Variants in FAM118B observed in about 807,000 individuals in gnomAD.
FAM118B encodes SIR2 antiphage like 1.
Under a neutral mutation model 38.5 loss-of-function variants are expected in FAM118B, and 24 were observed. That is an observed-to-expected ratio of 0.62 (90% CI 0.45 to 0.88). The LOEUF is 0.88. Among genes scored for constraint, FAM118B ranks in the 40% least tolerant of loss-of-function variants. The probability of loss-of-function intolerance (pLI) is 0.00; values close to 1 mark genes in which losing one functional copy is unlikely to be tolerated. For synonymous variants in FAM118B, 138 were observed against 156.3 expected (o/e 0.88, Z 0.87); for missense variants, 334 against 420.0 (o/e 0.80, Z 1.79).
chr11:126,256,603 C>A lies in FAM118B; in HGVS notation c.733C>A (p.Leu245Ile), dbSNP rs949624873. ...IQKLYENKSF[L>I]FLGCGWTVDD... is the part of the protein sequence containing the mutation. ...GAAACTCTACGAAAACAAGTCATTT[C>A]TTTTCCTGGGCTGTGGCTGGACTGT... is the stretch of plus-strand genomic sequence containing the variant. The change falls in exon 7 of 9, where the codon CTT (leucine) becomes ATT (isoleucine). Residue 245 changes from leucine (L) to isoleucine (I), a missense_variant. Transcript: ENST00000533050. The surrounding 1 kb of genome is among the most constrained non-coding windows in gnomAD (Gnocchi z 6.6). 2.5e-6 allele frequency: 4 copies of A among 1,613,864 alleles called. No homozygotes were observed. Among genetic ancestry groups the A allele is most frequent in the African/African-American group, 1.3e-5 (1 of 74,880 alleles).
At chr11:126,231,524 A>C (rs1473814161) in intron 2 of FAM118B, among the ~76,000 whole-genome samples, 1 of 152,206 alleles carries the variant, frequency 6.6e-6, no homozygotes, top group East Asian at 1.9e-4. Context: ...AGGGTAAAGA[A>C]AATATGTTTC....
chr11:126,215,018 T>C (rs1486311847), intron 1 of FAM118B, among the ~76,000 whole-genome samples: 1 of 152,154 alleles, frequency 6.6e-6, no homozygotes, highest in Admixed American at 6.5e-5. Flanking sequence ...ACTTGGACAT[T>C]GTTTTATGGT....
intron 1 of FAM118B, among the ~76,000 whole-genome samples, chr11:126,222,660 A>G (rs1950079286): frequency 6.6e-6 from 1 of 152,238 alleles, no homozygotes; most frequent in African/African-American, 2.4e-5. Context: ...TGTTTGGATG[A>G]GAGAAAATAC....
rs1950716974 is a variant in FAM118B at position 126,262,283 on chromosome 11, T to C, written c.*150T>C. 3 of 778,646 alleles carry C rather than the reference T, an allele frequency of 3.9e-6. No homozygotes were observed. Among genetic ancestry groups the C allele is most frequent in the South Asian group, 1.6e-5 (1 of 64,078 alleles). 48.2% of individuals were successfully genotyped at this position (778,646 alleles called of 1,614,324 possible). A position where few individuals can be genotyped will look rare whatever the true frequency, so the allele number is the denominator to read the frequency against. ...GGGCGGGGTAGAAGAGGGGGGAATG[T>C]TGCAGCGTAATCCTTCATACCACCT... On this transcript the variant is annotated 3_prime_UTR_variant, in exon 9 of 9. Coordinates refer to ENST00000533050, the MANE Select transcript of FAM118B (RefSeq NM_024556.4).
chr11:126,253,349 T>C lies in FAM118B; in HGVS notation c.568-956T>C, dbSNP rs1220659622. ...CGGTGCCTCTTGACTACTTTCCTGA[T>C]TCATAGCCTATTTCTCCAAAATGTG... is the stretch of plus-strand genomic sequence containing the variant. On this transcript the variant is annotated intron_variant, in intron 5 of 8. Transcript: ENST00000533050. This position sits in a 1 kb window ranked among gnomAD's most constrained non-coding sequence, Gnocchi z 5.1. 1.3e-5 allele frequency among the ~76,000 whole-genome samples: 2 copies of C among 152,142 alleles called. No homozygotes were observed. The highest frequency in any genetic ancestry group is 2.9e-5 in the Non-Finnish European group (2 of 68,030).
chr11:126,248,505 G>T (rs1455615273), intron 4 of FAM118B, among the ~76,000 whole-genome samples: 1 of 151,314 alleles, frequency 6.6e-6, no homozygotes, highest in Non-Finnish European at 1.5e-5. Context: ...CGAGTAGCTG[G>T]CACTACAGGC....
rs1950513638 is a variant in FAM118B at position 126,252,196 on chromosome 11, A to G, written c.567+1463A>G. Among the ~76,000 whole-genome samples, 1 of 151,984 alleles carries G rather than the reference A, an allele frequency of 6.6e-6. No individual in the cohort carries two copies. The highest frequency in any genetic ancestry group is 1.5e-5 in the Non-Finnish European group (1 of 67,998). On this transcript the variant is annotated intron_variant, in intron 5 of 8. Coordinates refer to ENST00000533050, the MANE Select transcript of FAM118B (RefSeq NM_024556.4). This position sits in a 1 kb window ranked among gnomAD's most constrained non-coding sequence, Gnocchi z 4.7. ...GAGACAGGGTTTCACCATGTTGGCC[A>G]GGCTGGTCTCGAACTCCTGACCTCA...
chr11:126,230,129 A>G (rs958796717), intron 2 of FAM118B, among the ~76,000 whole-genome samples: 5 of 152,208 alleles, frequency 3.3e-5, no homozygotes, highest in African/African-American at 1.2e-4. Flanking sequence ...ACAGCTAGAC[A>G]TGATTCCTGT....
chr11:126,247,022 G>A (rs1565336327), intron 4 of FAM118B, among the ~76,000 whole-genome samples: 1 of 152,210 alleles, frequency 6.6e-6, no homozygotes, highest in Non-Finnish European at 1.5e-5. Context: ...GCCTAGTGTG[G>A]TGGTACACGC....
chr11:126,241,125 A>G (rs932409947), intron 4 of FAM118B, 81 bp downstream of exon 4: 2 of 1,388,714 alleles, frequency 1.4e-6, no homozygotes, highest in Non-Finnish European at 2.0e-6. Context: ...GGCTGTCAAA[A>G]CTAGCATGCC....
intron 1 of FAM118B, among the ~76,000 whole-genome samples, chr11:126,223,836 C>T (rs1462525736): frequency 6.6e-6 from 1 of 152,146 alleles, no homozygotes; most frequent in Non-Finnish European, 1.5e-5. Flanking sequence ...AGACAATGGT[C>T]TTGGAACCTT....
chr11:126,222,543 CTTG>C (rs1266604111), intron 1 of FAM118B, among the ~76,000 whole-genome samples: 1 of 152,130 alleles, frequency 6.6e-6, no homozygotes, highest in Non-Finnish European at 1.5e-5. Flanking sequence ...ATTCTAATTT[CTTG>C]TTGTTAGGAA....
chr11:126,259,508 C>G (rs1950639491), intron 7 of FAM118B, among the ~76,000 whole-genome samples: 1 of 151,024 alleles, frequency 6.6e-6, no homozygotes, highest in African/African-American at 2.4e-5. Flanking sequence ...TCACTGCAAC[C>G]CCCGCCTCCT....
chr11:126,216,900 T>C (rs1351906905), intron 1 of FAM118B, among the ~76,000 whole-genome samples: 1 of 152,258 alleles, frequency 6.6e-6, no homozygotes, highest in Non-Finnish European at 1.5e-5. Flanking sequence ...TCATTTATTT[T>C]CCAGCTTAGG....
intron 2 of FAM118B, among the ~76,000 whole-genome samples, chr11:126,232,647 CCTTAAAAACAACTTAAAAAATATA>C: frequency 6.6e-6 from 1 of 150,498 alleles, no homozygotes; most frequent in Non-Finnish European, 1.5e-5. Flanking sequence ...TAAGTTTTTT[CCTTAAAAACAACTTAAAAAATATA>C]TTTTTTTAAG....
chr11:126,215,932 C>G lies in FAM118B; in HGVS notation c.-77+4102C>G, dbSNP rs917702400. ...CTGAGGTGGGAGGATCATTTGAGCC[C>G]GGGAATTCAAGGCTGCAGCTGCAGT... On this transcript the variant is annotated intron_variant, in intron 1 of 8. Transcript: ENST00000533050. Among the ~76,000 whole-genome samples, 3 of 151,698 alleles carry G rather than the reference C, an allele frequency of 2.0e-5. No individual in the cohort carries two copies. In the East Asian group the frequency reaches 5.8e-4, roughly 29 times the overall value.
chr11:126,228,921 C>T (rs527788655), intron 1 of FAM118B, among the ~76,000 whole-genome samples: 9 of 152,294 alleles, frequency 5.9e-5, no homozygotes, highest in Non-Finnish European at 1.3e-4. Context: ...ATGCCCCAGA[C>T]TTGGAAGAAT....
At chr11:126,258,851 G>T (rs1407392956) in intron 7 of FAM118B, among the ~76,000 whole-genome samples, 1 of 152,198 alleles carries the variant, frequency 6.6e-6, no homozygotes, top group Admixed American at 6.5e-5. Flanking sequence ...AAATAAATAT[G>T]TCTTTAGACT....
At position 126,250,131 on chromosome 11, in the gene FAM118B, G is replaced by A. The variant is rs1472981579; in HGVS notation, c.340-375G>A. Among the ~76,000 whole-genome samples, 2 of 145,470 alleles carry A rather than the reference G, an allele frequency of 1.4e-5. No homozygotes were observed. Among genetic ancestry groups the A allele is most frequent in the Non-Finnish European group, 3.0e-5 (2 of 67,206 alleles). ...TTTTGAGATGGAGTCTCGCTCCGTC[G>A]CCCAGGCTGGAGTGCAGTGACGCGA... On this transcript the variant is annotated intron_variant, in intron 4 of 8. Transcript: ENST00000533050. The surrounding 1 kb of genome is among the most constrained non-coding windows in gnomAD (Gnocchi z 5.1).
Sources: gnomAD v4.1 joint callset for allele counts (sites outside exome capture counted in the v4.1 genomes callset) on GRCh38, gnomAD v4.1.1 for gene constraint, Gnocchi (gnomAD v3.1) non-coding constraint, MANE v1.5 for transcripts, NCBI Gene and HGNC (gene_info 2026-07-23, HGNC 2026-07-21) for gene names.